Variants in PTTG1IP2 observed in about 807,000 individuals in gnomAD.
PTTG1IP2 encodes PTTG1IP family member 2.
intron 2 of PTTG1IP2, among the ~76,000 whole-genome samples, chr7:90,481,909 AGTATAC>A (rs1038277735): frequency 6.6e-6 from 1 of 152,172 alleles, no homozygotes; most frequent in African/African-American, 2.4e-5. Flanking sequence ...AAATTAATTC[AGTATAC>A]TCTATAATGT....
chr7:90,513,185 G>A (rs961043221), intron 6 of PTTG1IP2, 93 bp from the exon 7 acceptor site: 4 of 152,678 alleles, frequency 2.6e-5, no homozygotes, highest in East Asian at 3.9e-4. Flanking sequence ...TTGGTGTAAC[G>A]GCCTTGAACT....
chr7:90,489,540 C>T (rs933039335), intron 4 of PTTG1IP2, among the ~76,000 whole-genome samples: 2 of 151,728 alleles, frequency 1.3e-5, no homozygotes, highest in Non-Finnish European at 1.5e-5. Context: ...TTCCATTTAT[C>T]CTCTCTTTCC....
intron 6 of PTTG1IP2, among the ~76,000 whole-genome samples, chr7:90,506,699 G>A (rs972806841): frequency 3.9e-5 from 6 of 152,070 alleles, no homozygotes; most frequent in African/African-American, 1.4e-4. Flanking sequence ...CTGGAGAGAT[G>A]AAGGCTGCAG....
intron 2 of PTTG1IP2, among the ~76,000 whole-genome samples, chr7:90,485,241 G>A (rs1348169198): frequency 6.6e-6 from 1 of 152,062 alleles, no homozygotes; most frequent in Admixed American, 6.6e-5. Context: ...GACCTTTCAG[G>A]ACAGGCATAT....
At chr7:90,478,421 C>T (rs868814278) in intron 1 of PTTG1IP2, among the ~76,000 whole-genome samples, 30 of 152,154 alleles carry the variant, frequency 2.0e-4, no homozygotes, top group Admixed American at 1.9e-3. Context: ...AGGATACTTT[C>T]GGCTAGGAGG....
chr7:90,472,452 C>T (rs539346256), intron 1 of PTTG1IP2, among the ~76,000 whole-genome samples: 2 of 152,102 alleles, frequency 1.3e-5, no homozygotes, highest in Non-Finnish European at 2.9e-5. Context: ...AGCAAGATAT[C>T]AGAATGAAAT....
chr7:90,500,878 CACA>C (rs1368118860), intron 6 of PTTG1IP2, among the ~76,000 whole-genome samples: 1 of 152,164 alleles, frequency 6.6e-6, no homozygotes, highest in Non-Finnish European at 1.5e-5. Context: ...TAGCATCCAC[CACA>C]ACATCTGTCA....
intron 2 of PTTG1IP2, among the ~76,000 whole-genome samples, chr7:90,480,949 T>A (rs895693277): frequency 6.6e-6 from 1 of 152,246 alleles, no homozygotes; most frequent in African/African-American, 2.4e-5. Flanking sequence ...TTTGGACTTT[T>A]ATCATGTTCC....
chr7:90,498,688 T>C (rs1798025649), intron 6 of PTTG1IP2, among the ~76,000 whole-genome samples: 1 of 152,322 alleles, frequency 6.6e-6, no homozygotes, highest in South Asian at 2.1e-4. Flanking sequence ...TTTGAGTATA[T>C]TTTTGTGCAT....
chr7:90,510,381 TAA>T (rs1798174162), intron 6 of PTTG1IP2, among the ~76,000 whole-genome samples: 1 of 152,226 alleles, frequency 6.6e-6, no homozygotes, highest in African/African-American at 2.4e-5. Flanking sequence ...GAAATGATGC[TAA>T]ATGTCAGGCT....
At chr7:90,478,844 T>A (rs912399939) in intron 1 of PTTG1IP2, among the ~76,000 whole-genome samples, 2 of 150,564 alleles carry the variant, frequency 1.3e-5, no homozygotes, top group Non-Finnish European at 3.0e-5. Flanking sequence ...TTTTTTTTTT[T>A]ACTATTTAAA....
chr7:90,512,222 T>C (rs897792978), intron 6 of PTTG1IP2, among the ~76,000 whole-genome samples: 12 of 152,196 alleles, frequency 7.9e-5, no homozygotes, highest in African/African-American at 2.9e-4. Flanking sequence ...ACACAGGCGA[T>C]GCTCTCTGCC....
At chr7:90,502,578 G>C (rs1377297671) in intron 6 of PTTG1IP2, among the ~76,000 whole-genome samples, 2 of 152,178 alleles carry the variant, frequency 1.3e-5, no homozygotes, top group Non-Finnish European at 2.9e-5. Flanking sequence ...TCATTCATGG[G>C]CTGCAGAATG....
At chr7:90,474,701 C>A (rs974503402) in intron 1 of PTTG1IP2, among the ~76,000 whole-genome samples, 26 of 152,198 alleles carry the variant, frequency 1.7e-4, no homozygotes, top group African/African-American at 6.3e-4. Context: ...ACTACCAACA[C>A]ACTGAATCTG....
At chr7:90,479,935 C>A (rs1016420169) in intron 2 of PTTG1IP2, among the ~76,000 whole-genome samples, 5 of 152,158 alleles carry the variant, frequency 3.3e-5, no homozygotes, top group African/African-American at 1.2e-4. Context: ...TAGATATACA[C>A]CCTCTGCCCT....
At chr7:90,487,629 T>C (rs1797889797) in intron 3 of PTTG1IP2, among the ~76,000 whole-genome samples, 1 of 152,156 alleles carries the variant, frequency 6.6e-6, no homozygotes, top group African/African-American at 2.4e-5. Context: ...AAAATAAAAA[T>C]AAAAATATAG....
At chr7:90,509,029 A>T (rs1798155826) in intron 6 of PTTG1IP2, among the ~76,000 whole-genome samples, 1 of 152,092 alleles carries the variant, frequency 6.6e-6, no homozygotes, top group Non-Finnish European at 1.5e-5. Flanking sequence ...TTTGTGGGGA[A>T]TCTTGAAATC....
At chr7:90,489,189 G>A (rs905101026) in intron 4 of PTTG1IP2, among the ~76,000 whole-genome samples, 1 of 150,614 alleles carries the variant, frequency 6.6e-6, no homozygotes, top group African/African-American at 2.4e-5. Context: ...CTTCCCAGAA[G>A]TAATCCTTTT....
At chr7:90,493,541 C>T (rs1404934585) in intron 5 of PTTG1IP2, among the ~76,000 whole-genome samples, 2 of 152,112 alleles carry the variant, frequency 1.3e-5, no homozygotes, top group South Asian at 4.1e-4. Context: ...GAAAAGAGCA[C>T]AAGGTTAGGT....
Sources: allele counts gnomAD v4.1 joint callset (sites outside exome capture counted in the v4.1 genomes callset), GRCh38; gene constraint gnomAD v4.1.1; transcripts MANE v1.5; gene names NCBI Gene and HGNC (gene_info 2026-07-23, HGNC 2026-07-21).